The following TMEM40 variants were observed in gnomAD, a reference collection of about 807,000 sequenced individuals.
TMEM40 encodes the protein transmembrane protein 40.
In TMEM40, 34 loss-of-function variants were observed where a neutral mutation model predicts 40.8. That is an observed-to-expected ratio of 0.83 (90% CI 0.63 to 1.11). The LOEUF (loss-of-function observed/expected upper bound fraction) is 1.11, where lower values mean the gene tolerates loss of function less well. Ranked by LOEUF, TMEM40 falls within the 50% of genes least tolerant of loss-of-function variation. The pLI, the probability that TMEM40 is intolerant of heterozygous loss-of-function variation, is 0.00. For synonymous variants in TMEM40, 106 were observed against 107.0 expected, an observed-to-expected ratio of 0.99 and a Z score of 0.06; for missense variants, 296 against 280.2, an observed-to-expected ratio of 1.06 and a Z score of -0.40.
At chr3:12,736,210 A>C (rs2061336230) in intron 10 of TMEM40, among the ~76,000 whole-genome samples, 1 of 148,678 alleles carries the variant, frequency 6.7e-6, no homozygotes, top group African/African-American at 2.5e-5. Flanking sequence ...GTGCAGTGGC[A>C]CAAGCTTGGC....
upstream of TMEM40, among the ~76,000 whole-genome samples, chr3:12,763,424 G>A (rs2061581649): frequency 6.6e-6 from 1 of 152,118 alleles, no homozygotes; most frequent in African/African-American, 2.4e-5. Context: ...TGTAAGGCAG[G>A]CCCCAGCTCA....
intron 10 of TMEM40, 25 bp from the exon 11 acceptor site, chr3:12,735,642 A>G (rs776635191): frequency 4.4e-6 from 7 of 1,606,116 alleles, no homozygotes; most frequent in Admixed American, 1.7e-5. Context: ...AGAAAAAAGT[A>G]AGTTAAGTTT....
intron 3 of TMEM40, among the ~76,000 whole-genome samples, chr3:12,745,959 G>A (rs2061424255): frequency 6.6e-6 from 1 of 151,370 alleles, no homozygotes; most frequent in South Asian, 2.1e-4. Flanking sequence ...GTGCAGCGGT[G>A]CAATCTCAGC....
intron 3 of TMEM40, among the ~76,000 whole-genome samples, chr3:12,744,452 C>G (rs2061410875): frequency 6.6e-6 from 1 of 152,168 alleles, no homozygotes; most frequent in Non-Finnish European, 1.5e-5. Context: ...TGTAGAAAGC[C>G]TTTGCCAACT....
chr3:12,740,279 A>T (rs112628602), intron 5 of TMEM40, among the ~76,000 whole-genome samples: 2 of 150,286 alleles, frequency 1.3e-5, no homozygotes, highest in Non-Finnish European at 3.0e-5. Context: ...TAGTAGAGAC[A>T]GGGTTTTGCC....
At chr3:12,749,109 C>T (rs954200209) in intron 2 of TMEM40, among the ~76,000 whole-genome samples, 42 of 152,050 alleles carry the variant, frequency 2.8e-4, no homozygotes, top group Non-Finnish European at 4.9e-4. Flanking sequence ...ACTGCAAGCT[C>T]TGCCTCTCGG....
chr3:12,737,530 A>G lies in TMEM40; in HGVS notation c.472+177T>C, dbSNP rs1302649432. ...TTGAACCTCAGTTTTCATATCTGCA[A>G]AATGGGAACCATTGTCCCACCCTGT... On this transcript the variant is annotated intron_variant, in intron 8 of 11. Transcript: ENST00000314124. 7.8e-5 allele frequency: 50 copies of G among 644,656 alleles called. No individual in the cohort carries two copies. The East Asian group carries it at 1.3e-3, about 17-fold the overall frequency. The allele number at this position is 644,656 out of a possible 1,614,324, so 39.9% of individuals were successfully genotyped here.
chr3:12,738,020 G>T, intron 7 of TMEM40, 116 bp downstream of exon 7: 2 of 1,299,212 alleles, frequency 1.5e-6, no homozygotes, highest in Non-Finnish European at 2.2e-6. Context: ...AGTGACACTG[G>T]CTGGCGACAG....
exon 1 of TMEM40, chr3:12,769,289 A>G (rs1171622097): frequency 2.4e-6 from 1 of 409,038 alleles, no homozygotes; most frequent in Non-Finnish European, 5.0e-6. Context: ...GGCCTCGGCC[A>G]TCCCAGGAAG....
chr3:12,751,902 C>T (rs2061480526), intron 1 of TMEM40, among the ~76,000 whole-genome samples: 1 of 152,170 alleles, frequency 6.6e-6, no homozygotes, highest in Non-Finnish European at 1.5e-5. Flanking sequence ...GTCTCATCTC[C>T]ATCCTGCTCT....
Position 12,735,583 on chromosome 3 carries a change from G to T in TMEM40, c.654C>A (p.Ile218=). 6.2e-7 allele frequency: 1 copy of T among 1,613,622 alleles called. No homozygotes were observed. The highest frequency in any genetic ancestry group is 8.5e-7 in the Non-Finnish European group (1 of 1,179,868). The stretch of plus-strand genomic sequence containing the variant: ...TCAGCCTAAACTTCTGGAAGAGGGG[G>T]ATGAAGCCTTGGAGGACGCTGTGGA... ...YRIHSVLQGF[I]PLFQKFRLTG... Residue 218 remains isoleucine (I), a synonymous_variant, in exon 11 of 12, where the codon ATC becomes ATA. Coordinates refer to ENST00000314124, the MANE Select transcript of TMEM40 (RefSeq NM_018306.4).
chr3:12,736,645 G>C lies in TMEM40; in HGVS notation c.552C>G (p.Phe184Leu). The change falls in exon 10 of 12, where the codon TTC becomes TTG. Residue 184 changes from phenylalanine (F) to leucine (L), a missense_variant. Coordinates refer to ENST00000314124, the MANE Select transcript of TMEM40 (RefSeq NM_018306.4). ...LVCYHYYADWFMSLGVGLLTF... is the reference protein window; with the variant it reads ...LVCYHYYADWLMSLGVGLLTF... Reference sequence around the variant, plus strand: ...TGAGCAGGCCGACCCCAAGAGACATGAACCAGTCTGGAAGGGCAGTGAGGG... The same window carrying C: ...TGAGCAGGCCGACCCCAAGAGACATCAACCAGTCTGGAAGGGCAGTGAGGG... 1 of 1,602,756 alleles carries C rather than the reference G, an allele frequency of 6.2e-7. No homozygotes were observed. Among genetic ancestry groups the C allele is most frequent in the Non-Finnish European group, 8.5e-7 (1 of 1,174,390 alleles).
At chr3:12,760,124 G>A (rs1379486335), upstream of TMEM40, among the ~76,000 whole-genome samples, 1 of 152,154 alleles carries the variant, frequency 6.6e-6, no homozygotes, top group Non-Finnish European at 1.5e-5. Context: ...CCTGCCTTCA[G>A]TATAGCCTGA....
In TMEM40 at chr3:12,733,585, G is replaced by C. The variant is rs2061316096; in HGVS notation, c.*1189C>G. On this transcript the variant is annotated 3_prime_UTR_variant, in exon 12 of 12. Transcript: ENST00000314124. Reference sequence around the variant, plus strand: ...AATAAATATCTGATCTGTGCACTCTGGGCTCCCGTTAAATTAGGTTACATA... The same window carrying C: ...AATAAATATCTGATCTGTGCACTCTCGGCTCCCGTTAAATTAGGTTACATA... 6.6e-6 allele frequency: 1 copy of C among 151,988 alleles called. No individual in the cohort carries two copies. The highest frequency in any genetic ancestry group is 1.5e-5 in the Non-Finnish European group (1 of 68,000). The allele number at this position is 151,988 out of a possible 1,614,324, so 9.4% of individuals were successfully genotyped here. A position where few individuals can be genotyped will look rare whatever the true frequency, so the allele number is the denominator to read the frequency against.
At chr3:12,758,800 G>C (rs1326125007) in intron 1 of TMEM40, among the ~76,000 whole-genome samples, 1 of 152,196 alleles carries the variant, frequency 6.6e-6, no homozygotes, top group Non-Finnish European at 1.5e-5. Flanking sequence ...CTCCTAAGCT[G>C]TTAGGTTCCA....
chr3:12,757,534 C>T (rs1402091579), intron 1 of TMEM40, among the ~76,000 whole-genome samples: 1 of 151,700 alleles, frequency 6.6e-6, no homozygotes, highest in Non-Finnish European at 1.5e-5. Context: ...TCAAAACCAC[C>T]ATGGGATACC....
chr3:12,767,859 G>C (rs1339411941), intron 1 of TMEM40, among the ~76,000 whole-genome samples: 1 of 152,128 alleles, frequency 6.6e-6, no homozygotes, highest in Non-Finnish European at 1.5e-5. Flanking sequence ...GGAGGAATAT[G>C]GTGCAGCTCC....
At chr3:12,735,740 G>A in intron 10 of TMEM40, 123 bp from the exon 11 acceptor site, 2 of 748,100 alleles carry the variant, frequency 2.7e-6, no homozygotes, top group Non-Finnish European at 4.4e-6. Context: ...CAGGCAGCAG[G>A]TTAAGCTTAG....
intron 1 of TMEM40, among the ~76,000 whole-genome samples, chr3:12,758,983 C>T (rs945064906): frequency 2.0e-5 from 3 of 152,062 alleles, no homozygotes; most frequent in Non-Finnish European, 2.9e-5. Flanking sequence ...GTGGAAACCT[C>T]AACACAACCC....
Sources: allele counts gnomAD v4.1 joint callset (sites outside exome capture counted in the v4.1 genomes callset), GRCh38; gene constraint gnomAD v4.1.1; transcripts MANE v1.5; gene names NCBI Gene and HGNC (gene_info 2026-07-23, HGNC 2026-07-21).